COL25A1: variants seen among roughly 807,000 people sequenced by gnomAD.
COL25A1 encodes collagen type XXV alpha 1 chain, also known as collagen alpha-1(XXV) chain.
In COL25A1, 103 loss-of-function variants were observed where a neutral mutation model predicts 128.4. The ratio of observed to expected loss-of-function variants is 0.80; its 90% CI spans 0.68 to 0.94. The LOEUF is 0.94. Ranked by LOEUF, COL25A1 falls within the 40% of genes least tolerant of loss-of-function variation. The pLI, the probability that COL25A1 is intolerant of heterozygous loss-of-function variation, is 0.00. For missense variants in COL25A1, 745 were observed against 840.0 expected (o/e 0.89, Z 1.40); for synonymous variants, 279 against 277.2 (o/e 1.01, Z -0.06).
intron 8 of COL25A1, among the ~76,000 whole-genome samples, chr4:108,962,089 C>T (rs1355130723): frequency 4.6e-5 from 7 of 152,156 alleles, no homozygotes; most frequent in Non-Finnish European, 8.8e-5. Context: ...TTTCCCGTTG[C>T]ATCCCACAGG....
intron 31 of COL25A1, 50 bp from the exon 32 acceptor site, chr4:108,832,483 G>T: frequency 7.9e-7 from 1 of 1,258,824 alleles, no homozygotes; most frequent in Non-Finnish European, 1.1e-6. Flanking sequence ...AAGAATAGCA[G>T]TTATAATTTA....
At chr4:109,036,218 T>G (rs9307327) in intron 5 of COL25A1, among the ~76,000 whole-genome samples, 1 of 151,916 alleles carries the variant, frequency 6.6e-6, no homozygotes, top group Non-Finnish European at 1.5e-5. Context: ...TGAGCTACCA[T>G]GCCCGGCCCA....
intron 3 of COL25A1, among the ~76,000 whole-genome samples, chr4:109,254,960 C>T (rs552042333): frequency 5.9e-5 from 9 of 152,190 alleles, no homozygotes; most frequent in Non-Finnish European, 1.0e-4. Context: ...TAAGTGCTTT[C>T]GCAGAATTGC....
chr4:109,019,383 T>C (rs201084254), intron 5 of COL25A1, among the ~76,000 whole-genome samples: 1 of 34,588 alleles, frequency 2.9e-5, no homozygotes, highest in African/African-American at 5.4e-4. Context: ...CACATATATA[T>C]ATATATATAT....
chr4:108,961,932 T>A (rs902953474), intron 8 of COL25A1, among the ~76,000 whole-genome samples: 1 of 152,214 alleles, frequency 6.6e-6, no homozygotes, highest in Non-Finnish European at 1.5e-5. Flanking sequence ...AATTAAAAAT[T>A]TGATTGTATC....
At chr4:109,284,915 G>C (rs568129010) in intron 3 of COL25A1, among the ~76,000 whole-genome samples, 1 of 150,986 alleles carries the variant, frequency 6.6e-6, no homozygotes, top group South Asian at 2.1e-4. Context: ...AAAAACTTCA[G>C]GATTTTCATC....
chr4:109,032,851 G>A (rs1758995477), intron 5 of COL25A1, among the ~76,000 whole-genome samples: 3 of 152,194 alleles, frequency 2.0e-5, no homozygotes, highest in Non-Finnish European at 4.4e-5. Context: ...GCCACAGCAT[G>A]CTCGGAGTCT....
chr4:108,966,397 GT>G (rs760582571), intron 8 of COL25A1, among the ~76,000 whole-genome samples: 26 of 152,286 alleles, frequency 1.7e-4, no homozygotes, highest in Admixed American at 1.2e-3. Context: ...GGATTTTCAA[GT>G]TGAAAGGGTT....
In COL25A1 at chr4:108,978,675, A is replaced by C. The variant is rs145977623; in HGVS notation, c.439-4116T>G. ...GCTGTTTCCAACTAAACCAAGCTCA[A>C]CAATCTAATATTTAGTAGACATATT... is the stretch of plus-strand genomic sequence containing the variant. On this transcript the variant is annotated intron_variant, in intron 6 of 37. Transcript: ENST00000399132. 1.2e-4 allele frequency among the ~76,000 whole-genome samples: 19 copies of C among 152,310 alleles called. No individual in the cohort carries two copies. The East Asian group carries it at 3.7e-3, about 29-fold the overall frequency.
Position 108,860,947 on chromosome 4 carries a change from A to T in COL25A1, c.1222T>A (p.Ser408Thr), listed in dbSNP as rs751075277. 2 of 1,613,806 alleles carry T rather than the reference A, an allele frequency of 1.2e-6. No individual in the cohort carries two copies. The highest frequency in any genetic ancestry group is 1.7e-6 in the Non-Finnish European group (2 of 1,179,784). ...SKGDRGEKGDSGAQGPRGPPG... is the reference protein window; with the variant it reads ...SKGDRGEKGDTGAQGPRGPPG... Reference sequence around the variant, plus strand: ...CTCACCCTTGGTCCCTGAGCTCCAGAGTCCCCTTTTTCTCCACGATCCCCC... The same window carrying T: ...CTCACCCTTGGTCCCTGAGCTCCAGTGTCCCCTTTTTCTCCACGATCCCCC... The change falls in exon 23 of 38, where the codon TCT (serine) becomes ACT (threonine). Residue 408 changes from serine (S) to threonine (T), a missense_variant. By Grantham distance (58) the Ser-to-Thr change is moderately conservative (BLOSUM62 1). This residue lies in a region of COL25A1 where 387 missense variants were observed against 441.9 expected (regional missense o/e 0.88). Transcript: ENST00000399132.
intron 11 of COL25A1, among the ~76,000 whole-genome samples, chr4:108,932,737 A>G (rs1306710673): frequency 6.6e-6 from 1 of 152,208 alleles, no homozygotes; most frequent in Non-Finnish European, 1.5e-5. Context: ...TGCATCTGTC[A>G]AAGAAAGAAA....
chr4:109,100,501 A>T (rs188249190), intron 3 of COL25A1, among the ~76,000 whole-genome samples: 9 of 151,698 alleles, frequency 5.9e-5, no homozygotes, highest in African/African-American at 2.2e-4. Context: ...TGAAATAAGG[A>T]GAATTCATTT....
At chr4:109,266,662 A>G (rs543719599) in intron 3 of COL25A1, among the ~76,000 whole-genome samples, 13 of 152,342 alleles carry the variant, frequency 8.5e-5, no homozygotes, top group African/African-American at 2.6e-4. Flanking sequence ...CCAAAAAAAA[A>G]AAAAGTATTC....
At chr4:109,005,677 G>A (rs76613393) in intron 6 of COL25A1, among the ~76,000 whole-genome samples, 6,975 of 152,122 alleles carry the variant, frequency 0.046, 352 homozygotes, top group African/African-American at 0.13. Context: ...TGAATGACAC[G>A]GTCATGACTC....
At chr4:109,093,367 C>T (rs1156472512) in intron 3 of COL25A1, among the ~76,000 whole-genome samples, 12 of 149,172 alleles carry the variant, frequency 8.0e-5, no homozygotes, top group Non-Finnish European at 1.8e-4. Flanking sequence ...TGCCTATAAT[C>T]TCAGTACTTT....
intron 3 of COL25A1, among the ~76,000 whole-genome samples, chr4:109,157,963 G>C (rs1238052083): frequency 6.6e-6 from 1 of 152,188 alleles, no homozygotes; most frequent in Non-Finnish European, 1.5e-5. Context: ...TACAGCTCTA[G>C]ATGTGGAGCC....
Position 109,182,291 on chromosome 4 carries a change from G to A in COL25A1, c.367+118292C>T, listed in dbSNP as rs554169377. Among the ~76,000 whole-genome samples the A allele has an allele frequency of 3.3e-5, 5 of 152,150 alleles. No homozygotes were observed. The South Asian group carries it at 1.0e-3, about 32-fold the overall frequency. ...CTCCACACTGTTTTCCACAATGGCT[G>A]TTTTCCATAATGCCAAAATTTATAT... On this transcript the variant is annotated intron_variant, in intron 3 of 37. Coordinates refer to ENST00000399132, the MANE Select transcript of COL25A1 (RefSeq NM_198721.4).
chr4:109,092,338 G>A (rs1560676789), intron 3 of COL25A1, among the ~76,000 whole-genome samples: 1 of 152,156 alleles, frequency 6.6e-6, no homozygotes, highest in South Asian at 2.1e-4. Context: ...AAAATTAGCT[G>A]GGTGTGGTGG....
At chr4:109,177,369 C>T (rs1302060212) in intron 3 of COL25A1, among the ~76,000 whole-genome samples, 2 of 152,176 alleles carry the variant, frequency 1.3e-5, no homozygotes, top group African/African-American at 2.4e-5. Flanking sequence ...CCACTCATCA[C>T]TGCATTTGGG....
Sources: allele counts gnomAD v4.1 joint callset (sites outside exome capture counted in the v4.1 genomes callset), GRCh38; gene constraint gnomAD v4.1.1; regional missense constraint gnomAD v4.1.1; transcripts MANE v1.5; gene names NCBI Gene and HGNC (gene_info 2026-07-23, HGNC 2026-07-21).